The following BCAS3 variants were observed in gnomAD, a reference collection of about 807,000 sequenced individuals.
The protein encoded by BCAS3 is BCAS3 microtubule associated cell migration factor.
Under a neutral mutation model 116.1 loss-of-function variants are expected in BCAS3, and 53 were observed. That is an observed-to-expected ratio of 0.46 (90% CI 0.37 to 0.57). The LOEUF (loss-of-function observed/expected upper bound fraction) is 0.57, where lower values mean the gene tolerates loss of function less well. Among genes scored for constraint, BCAS3 ranks in the 20% least tolerant of loss-of-function variants. BCAS3 has a pLI of 0.00. For missense variants in BCAS3, 917 were observed against 1,165.4 expected (o/e 0.79, Z 3.10); for synonymous variants, 391 against 408.2 (o/e 0.96, Z 0.51).
At chr17:60,892,916 C>G (rs1348898846) in intron 10 of BCAS3, among the ~76,000 whole-genome samples, 1 of 152,010 alleles carries the variant, frequency 6.6e-6, no homozygotes, top group East Asian at 1.9e-4. Context: ...GAATGAAACT[C>G]TGTCTCAAAA....
chr17:61,193,434 A>G (rs948679832), intron 22 of BCAS3, among the ~76,000 whole-genome samples: 8 of 152,146 alleles, frequency 5.3e-5, no homozygotes, highest in African/African-American at 9.7e-5. Flanking sequence ...CAATATGTCA[A>G]TAATCAAACT....
chr17:61,060,786 A>G (rs2069935455), intron 19 of BCAS3, among the ~76,000 whole-genome samples: 2 of 152,244 alleles, frequency 1.3e-5, no homozygotes, highest in African/African-American at 2.4e-5. Context: ...AAAGTCATTC[A>G]CTATTGTGTC....
In BCAS3 at chr17:61,285,542, T is replaced by G. The variant is rs572784029; in HGVS notation, c.2426-82785T>G. On this transcript the variant is annotated intron_variant, in intron 22 of 23. Coordinates refer to ENST00000407086, the MANE Select transcript of BCAS3 (RefSeq NM_017679.5). The surrounding 1 kb of genome is among the most constrained non-coding windows in gnomAD (Gnocchi z 5.4). ...TGTTTACTCCTCTAATTAAGCAGAA[T>G]TAAGGTCTGGGCTCAAAACTGTCTT... Among the ~76,000 whole-genome samples the G allele has an allele frequency of 7.2e-5, 11 of 152,316 alleles. No individual in the cohort carries two copies. The highest frequency in any genetic ancestry group is 2.4e-4 in the African/African-American group (10 of 41,570).
intron 22 of BCAS3, among the ~76,000 whole-genome samples, chr17:61,212,334 C>A (rs557146493): frequency 9.2e-5 from 14 of 152,106 alleles, no homozygotes; most frequent in Non-Finnish European, 2.1e-4. Context: ...AACTCCTGGG[C>A]TGAAGTGATC....
At chr17:61,183,638 A>G (rs2079603131) in intron 22 of BCAS3, among the ~76,000 whole-genome samples, 1 of 152,214 alleles carries the variant, frequency 6.6e-6, no homozygotes, top group Admixed American at 6.5e-5. Context: ...GTTTAATGTT[A>G]GTGAATCTAC....
intron 2 of BCAS3, among the ~76,000 whole-genome samples, chr17:60,682,832 T>A (rs1261560637): frequency 6.6e-6 from 1 of 152,212 alleles, no homozygotes; most frequent in Non-Finnish European, 1.5e-5. Flanking sequence ...TAAAATAGTA[T>A]TTTGAAGAAG....
chr17:60,795,882 G>T (rs2144563073), intron 6 of BCAS3, among the ~76,000 whole-genome samples: 1 of 152,192 alleles, frequency 6.6e-6, no homozygotes, highest in East Asian at 1.9e-4. Context: ...TAGAGACAGG[G>T]TTTCACCATG....
chr17:60,981,195 G>T (rs1341493315), intron 14 of BCAS3, among the ~76,000 whole-genome samples: 1 of 152,110 alleles, frequency 6.6e-6, no homozygotes, highest in Non-Finnish European at 1.5e-5. Flanking sequence ...TGTCTACTTT[G>T]ACTTGGGTTG....
chr17:60,775,395 T>G (rs1327135194), intron 6 of BCAS3, among the ~76,000 whole-genome samples: 1 of 152,212 alleles, frequency 6.6e-6, no homozygotes, highest in African/African-American at 2.4e-5. Context: ...ATTTTTTTCT[T>G]TCCCCATGAT....
chr17:60,823,949 TG>T (rs1432753644), intron 7 of BCAS3, among the ~76,000 whole-genome samples: 1 of 152,184 alleles, frequency 6.6e-6, no homozygotes, highest in Admixed American at 6.5e-5. Flanking sequence ...AATGTCCCCC[TG>T]GAAGTGGATC....
intron 22 of BCAS3, among the ~76,000 whole-genome samples, chr17:61,090,419 A>G (rs1568331337): frequency 6.6e-6 from 1 of 152,178 alleles, no homozygotes; most frequent in East Asian, 1.9e-4. Context: ...CCTGTGAACA[A>G]TCCCTCAGAG....
intron 22 of BCAS3, among the ~76,000 whole-genome samples, chr17:61,089,408 G>A (rs1409679197): frequency 3.3e-5 from 5 of 150,194 alleles, no homozygotes; most frequent in Non-Finnish European, 7.4e-5. Flanking sequence ...TGTGCTGGAA[G>A]GACCTTCTTA....
chr17:61,345,352 T>A (rs980359010), intron 22 of BCAS3, among the ~76,000 whole-genome samples: 3 of 152,176 alleles, frequency 2.0e-5, no homozygotes, highest in Non-Finnish European at 4.4e-5. Flanking sequence ...GACTGCTGAA[T>A]CTTTAAAGGA....
rs913756386 is a variant in BCAS3, at chr17:61,285,853, T to C, written c.2426-82474T>C. ...TCCCTCCCATCTCCAGTCCCTACTT[T>C]AGGCGAATCAGCTTTAGTCCTCTAA... On this transcript the variant is annotated intron_variant, in intron 22 of 23. Transcript: ENST00000407086. The surrounding 1 kb of genome is among the most constrained non-coding windows in gnomAD (Gnocchi z 5.4). 6.6e-6 allele frequency among the ~76,000 whole-genome samples: 1 copy of C among 152,150 alleles called. No homozygotes were observed. The highest frequency in any genetic ancestry group is 2.4e-5 in the African/African-American group (1 of 41,446).
intron 6 of BCAS3, among the ~76,000 whole-genome samples, chr17:60,802,296 ATATAT>A (rs1229383391): frequency 7.0e-5 from 7 of 99,420 alleles, no homozygotes; most frequent in African/African-American, 4.2e-4. Context: ...AAAAAAAAAA[ATATAT>A]ATATATATAT....
intron 7 of BCAS3, among the ~76,000 whole-genome samples, chr17:60,822,693 T>A (rs1467925211): frequency 6.6e-6 from 1 of 152,256 alleles, no homozygotes; most frequent in Non-Finnish European, 1.5e-5. Context: ...TTCCAATTAC[T>A]GCAGAAGTCC....
chr17:61,240,865 C>T (rs575722823), intron 22 of BCAS3, among the ~76,000 whole-genome samples: 3 of 152,174 alleles, frequency 2.0e-5, no homozygotes, highest in East Asian at 1.9e-4. Context: ...ACTTTCTTCC[C>T]GAAAAGAAGC....
At chr17:61,129,400 A>G (rs2076213654) in intron 22 of BCAS3, among the ~76,000 whole-genome samples, 1 of 152,216 alleles carries the variant, frequency 6.6e-6, no homozygotes, top group Non-Finnish European at 1.5e-5. Flanking sequence ...CCACCTTTTT[A>G]TAGCTCTCAG....
At chr17:61,193,359 A>G (rs1434066139) in intron 22 of BCAS3, among the ~76,000 whole-genome samples, 1 of 152,192 alleles carries the variant, frequency 6.6e-6, no homozygotes, top group Admixed American at 6.5e-5. Flanking sequence ...ACTATAGAAA[A>G]CTGTCAGTGC....
Sources: gnomAD v4.1 joint callset for allele counts (sites outside exome capture counted in the v4.1 genomes callset) on GRCh38, gnomAD v4.1.1 for gene constraint, Gnocchi (gnomAD v3.1) non-coding constraint, MANE v1.5 for transcripts, NCBI Gene and HGNC (gene_info 2026-07-23, HGNC 2026-07-21) for gene names.